NIN: variants seen among roughly 807,000 people sequenced by gnomAD.
NIN encodes ninein.
NIN carries 137 observed loss-of-function variants against 257.6 expected under a neutral mutation model. That is an observed-to-expected ratio of 0.53 (90% CI 0.46 to 0.61). The LOEUF is 0.61. Ranked by LOEUF, NIN falls within the 20% of genes least tolerant of loss-of-function variation. The probability of loss-of-function intolerance (pLI) is 0.00; values close to 1 mark genes in which losing one functional copy is unlikely to be tolerated. For synonymous variants in NIN, 918 were observed against 919.8 expected, an observed-to-expected ratio of 1.00 and a Z score of 0.04; for missense variants, 2,439 against 2,501.2, an observed-to-expected ratio of 0.98 and a Z score of 0.53.
At chr14:50,744,221 A>T in intron 23 of NIN, 22 bp downstream of exon 23, 2 of 1,611,556 alleles carry the variant, frequency 1.2e-6, no homozygotes, top group South Asian at 2.2e-5. Context: ...CGATGATGGT[A>T]AAGTCTTATT....
chr14:50,815,253 A>G (rs2044834347), intron 3 of NIN, among the ~76,000 whole-genome samples: 1 of 152,254 alleles, frequency 6.6e-6, no homozygotes, highest in Non-Finnish European at 1.5e-5. Context: ...GCACTTCTCA[A>G]AAGTAGACAT....
At chr14:50,823,055 G>T in intron 2 of NIN, 1 of 397,334 alleles carries the variant, frequency 2.5e-6, no homozygotes. Flanking sequence ...ACTGTCCTTA[G>T]GATCAGTAAA....
At chr14:50,823,227 C>A (rs1048063730) in intron 2 of NIN, 1 of 575,132 alleles carries the variant, frequency 1.7e-6, no homozygotes, top group Non-Finnish European at 3.5e-6. Context: ...CTGAAACCTG[C>A]ACATCTGAAG....
At chr14:50,743,345 T>G in intron 24 of NIN, 71 bp downstream of exon 24, 3 of 1,001,118 alleles carry the variant, frequency 3.0e-6, no homozygotes, top group Middle Eastern at 4.1e-4. Context: ...AACACTCTTT[T>G]TACCGGGATT....
intron 5 of NIN, among the ~76,000 whole-genome samples, chr14:50,786,190 C>T (rs2141965892): frequency 6.6e-6 from 1 of 152,246 alleles, no homozygotes; most frequent in South Asian, 2.1e-4. Context: ...ATTTTAAAGT[C>T]CTTAAAGGAA....
intron 15 of NIN, among the ~76,000 whole-genome samples, chr14:50,763,232 C>G (rs1468350820): frequency 6.6e-6 from 1 of 151,966 alleles, no homozygotes; most frequent in Non-Finnish European, 1.5e-5. Context: ...AAGAGGTAGG[C>G]TATCAGGAGA....
intron 28 of NIN, among the ~76,000 whole-genome samples, chr14:50,732,693 A>G (rs2040775950): frequency 6.6e-6 from 1 of 151,770 alleles, no homozygotes; most frequent in Non-Finnish European, 1.5e-5. Flanking sequence ...TATGTGAATT[A>G]TACCTCAATA....
intron 28 of NIN, among the ~76,000 whole-genome samples, chr14:50,735,230 T>C: frequency 6.6e-6 from 1 of 152,170 alleles, no homozygotes; most frequent in Non-Finnish European, 1.5e-5. Flanking sequence ...TCAGGGCCCC[T>C]TGGCTAATCA....
intron 3 of NIN, among the ~76,000 whole-genome samples, chr14:50,813,035 T>C (rs1011042241): frequency 1.5e-4 from 23 of 152,194 alleles, no homozygotes; most frequent in African/African-American, 4.8e-4. Flanking sequence ...TTCAAAGAGA[T>C]AGTTCTCTTG....
intron 25 of NIN, among the ~76,000 whole-genome samples, chr14:50,740,879 A>G (rs2041252232): frequency 6.6e-6 from 1 of 152,248 alleles, no homozygotes; most frequent in Non-Finnish European, 1.5e-5. Context: ...CCCCAAAATG[A>G]CATCTATAAC....
rs1392919204 is a variant in NIN, at chr14:50,758,312, G to T, written c.2718C>A (p.Asn906Lys). 1.2e-6 allele frequency: 2 copies of T among 1,614,212 alleles called. No homozygotes were observed. Among genetic ancestry groups the T allele is most frequent in the Non-Finnish European group, 1.7e-6 (2 of 1,180,032 alleles). Residue 906 changes from asparagine to lysine, a missense_variant, in exon 18 of 31, where the codon AAC becomes AAA. Around this residue, in one of 3 missense-constraint regions of NIN, gnomAD observed 2,043 missense variants for 2,050.2 expected, o/e 1.00. Coordinates refer to ENST00000530997, the MANE Select transcript of NIN (RefSeq NM_020921.4). ...GCTGCTGTCTCTCGACGACCATGCT[G>T]TTCAAATGTTCTTTGTATGTTTTCT... ...MLEKTYKEHLNSMVVERQQLL... is the reference protein window; with the variant it reads ...MLEKTYKEHLKSMVVERQQLL...
At chr14:50,752,151 T>G (rs1366908519) in intron 21 of NIN, among the ~76,000 whole-genome samples, 3 of 95,828 alleles carry the variant, frequency 3.1e-5, no homozygotes, top group Non-Finnish European at 6.0e-5. Flanking sequence ...CTTCAAATAT[T>G]TGTATAGTTT....
intron 2 of NIN, among the ~76,000 whole-genome samples, chr14:50,822,414 G>A (rs2045267913): frequency 6.6e-6 from 1 of 152,242 alleles, no homozygotes; most frequent in Non-Finnish European, 1.5e-5. Flanking sequence ...ACTCAAGGCT[G>A]AAGGTGGTTC....
chr14:50,825,461 A>C (rs1450063265), intron 2 of NIN, among the ~76,000 whole-genome samples: 1 of 152,232 alleles, frequency 6.6e-6, no homozygotes, highest in Non-Finnish European at 1.5e-5. Flanking sequence ...AACATTTACT[A>C]TGAGTCTGGC....
chr14:50,746,869 T>C (rs2041569102), intron 22 of NIN, among the ~76,000 whole-genome samples: 1 of 152,148 alleles, frequency 6.6e-6, no homozygotes, highest in African/African-American at 2.4e-5. Context: ...TCTTTCTTTC[T>C]TTTTTGAGAC....
chr14:50,798,765 A>C (rs1439231800), intron 4 of NIN, among the ~76,000 whole-genome samples: 2 of 152,188 alleles, frequency 1.3e-5, no homozygotes, highest in Non-Finnish European at 2.9e-5. Context: ...TGTGATGCAC[A>C]CTGTCCATAG....
chr14:50,735,989 A>G (rs1403424455), intron 27 of NIN, among the ~76,000 whole-genome samples: 1 of 152,232 alleles, frequency 6.6e-6, no homozygotes, highest in Admixed American at 6.5e-5. Context: ...TTAATAAAAA[A>G]TGCTGGTTTC....
At chr14:50,792,615 C>A in intron 5 of NIN, 97 bp downstream of exon 5, 1 of 1,301,502 alleles carries the variant, frequency 7.7e-7, no homozygotes, top group Non-Finnish European at 1.1e-6. Context: ...AAGCCCACAT[C>A]GTGCCATCAA....
In NIN at chr14:50,758,454, T is replaced by C; in HGVS notation, c.2576A>G (p.Glu859Gly). 1 of 1,614,170 alleles carries C rather than the reference T, an allele frequency of 6.2e-7. No homozygotes were observed. Among genetic ancestry groups the C allele is most frequent in the South Asian group, 1.1e-5 (1 of 91,076 alleles). The change falls in exon 18 of 31, where the codon GAA (glutamate) becomes GGA (glycine). Residue 859 changes from glutamate (E) to glycine (G), a missense_variant. Glu to Gly is a moderately conservative substitution (Grantham distance 98, BLOSUM62 -2). This residue lies in a region of NIN where 2,043 missense variants were observed against 2,050.2 expected (regional missense o/e 1.00). Coordinates refer to ENST00000530997, the MANE Select transcript of NIN (RefSeq NM_020921.4). The part of the protein sequence containing the change: ...EQQREEKSQW[E>G]FEKDELTQEC... The stretch of plus-strand genomic sequence containing the variant: ...CTGGGTGAGCTCGTCCTTCTCAAAT[T>C]CCCACTGGGATTTCTCCTCACGCTG...
Sources: gnomAD v4.1 joint callset for allele counts (sites outside exome capture counted in the v4.1 genomes callset) on GRCh38, gnomAD v4.1.1 for gene constraint, gnomAD v4.1.1 regional missense constraint, MANE v1.5 for transcripts, NCBI Gene and HGNC (gene_info 2026-07-23, HGNC 2026-07-21) for gene names.